The following SART3 variants were observed in gnomAD, a reference collection of about 807,000 sequenced individuals.
SART3 encodes HIV-1 Tat-interacting protein of 110kDa.
A neutral mutation model predicts 122.3 loss-of-function variants in SART3; 44 were observed. The observed-to-expected ratio is 0.36, with a 90% CI of 0.28 to 0.46. SART3 has a LOEUF of 0.46. Ranked by LOEUF, SART3 falls within the 20% of genes least tolerant of loss-of-function variation. The probability of loss-of-function intolerance (pLI) is 1.00; values close to 1 mark genes in which losing one functional copy is unlikely to be tolerated. For missense variants in SART3, 1,101 were observed against 1,229.0 expected, an observed-to-expected ratio of 0.90 and a Z score of 1.56; for synonymous variants, 442 against 454.0, an observed-to-expected ratio of 0.97 and a Z score of 0.34.
In SART3 at chr12:108,536,553, A is replaced by C. The variant is rs1409397908; in HGVS notation, c.1407T>G (p.Asp469Glu). The C allele has an allele frequency of 1.2e-6, 2 of 1,614,216 alleles. No individual in the cohort carries two copies. Among genetic ancestry groups the C allele is most frequent in the Non-Finnish European group, 1.7e-6 (2 of 1,180,024 alleles). Residue 469 changes from aspartate to glutamate, a missense_variant, in exon 11 of 19, where the codon GAT becomes GAG. Physicochemically the swap from Asp to Glu is conservative, Grantham distance 45 (BLOSUM62 2). Around this residue, in one of 2 missense-constraint regions of SART3, gnomAD observed 885 missense variants for 1,080.1 expected, o/e 0.82. Transcript: ENST00000546815. ...EVEERFNESG[D>E]PSCVIMQNWA... ...AGTTCTGCATAATCACGCAGCTTGG[A>C]TCACCACTCTCATTGAAACCTTCAA...
Position 108,523,388 on chromosome 12 carries a change from A to ACTGGGGATGGACAGGCCTGGTGTG in SART3, c.*68_*69insCACACCAGGCCTGTCCATCCCCAG. 6.6e-7 allele frequency: 1 copy of ACTGGGGATGGACAGGCCTGGTGTG among 1,516,766 alleles called. No individual in the cohort carries two copies. Among genetic ancestry groups the ACTGGGGATGGACAGGCCTGGTGTG allele is most frequent in the Non-Finnish European group, 9.1e-7 (1 of 1,093,074 alleles). The allele number at this position is 1,516,766 out of a possible 1,614,324, so 94.0% of individuals were successfully genotyped here. A position where few individuals can be genotyped will look rare whatever the true frequency, so the allele number is the denominator to read the frequency against. On this transcript the variant is annotated 3_prime_UTR_variant, in exon 19 of 19. Transcript: ENST00000546815. The stretch of plus-strand genomic sequence containing the variant: ...CACCAGGCCTGTCCATCCCCAGTGC[A>ACTGGGGATGGACAGGCCTGGTGTG]CTGCTGGGTGGTGGGAGGTCCGCCG...
Position 108,547,867 on chromosome 12 carries a change from A to C in SART3, c.544+20T>G. 1.3e-6 allele frequency: 2 copies of C among 1,593,634 alleles called. No individual in the cohort carries two copies. The highest frequency in any genetic ancestry group is 1.7e-6 in the Non-Finnish European group (2 of 1,162,452). On this transcript the variant is annotated intron_variant, in intron 3 of 18. Transcript: ENST00000546815. ...TATATGACATTGCCAGATATCCAAAAAAAGTCCACGGGAACTTACAAATGT... is the reference window on the plus strand; with the variant it reads ...TATATGACATTGCCAGATATCCAAACAAAGTCCACGGGAACTTACAAATGT...
chr12:108,536,699 C>T lies in SART3; in HGVS notation c.1387+9G>A. ...AACTGGGCAAAACCACAGGCTGGGGCATACTTACGCTCTTCCACCTCCTGC... is the reference window on the plus strand; with the variant it reads ...AACTGGGCAAAACCACAGGCTGGGGTATACTTACGCTCTTCCACCTCCTGC... On this transcript the variant is annotated intron_variant, in intron 10 of 18. Coordinates refer to ENST00000546815, the MANE Select transcript of SART3 (RefSeq NM_014706.4). 2 of 1,613,912 alleles carry T rather than the reference C, an allele frequency of 1.2e-6. No homozygotes were observed. The highest frequency in any genetic ancestry group is 1.1e-5 in the South Asian group (1 of 91,076).
chr12:108,534,230 A>G (rs1011433410), intron 12 of SART3, among the ~76,000 whole-genome samples: 1 of 152,326 alleles, frequency 6.6e-6, no homozygotes, highest in South Asian at 2.1e-4. Context: ...TAAATTATAA[A>G]TATCAATAGA....
intron 1 of SART3, among the ~76,000 whole-genome samples, chr12:108,552,245 G>C (rs965762298): frequency 6.6e-6 from 1 of 152,048 alleles, no homozygotes; most frequent in Non-Finnish European, 1.5e-5. Flanking sequence ...TTGGGATATA[G>C]GGTTACCTTA....
intron 1 of SART3, among the ~76,000 whole-genome samples, chr12:108,559,684 AAAAGAG>A (rs1455316549): frequency 1.3e-5 from 2 of 150,516 alleles, no homozygotes; most frequent in East Asian, 1.9e-4. Flanking sequence ...AAAAAAAAAA[AAAAGAG>A]AGAATGTGCT....
intron 13 of SART3, 144 bp downstream of exon 13, chr12:108,532,078 C>T: frequency 2.9e-6 from 2 of 696,244 alleles, no homozygotes; most frequent in Middle Eastern, 3.8e-4. Context: ...ATTTTCAGGA[C>T]ACTTGTGACA....
chr12:108,523,322 T>C lies in SART3; in HGVS notation c.*135A>G, dbSNP rs1872210186. On this transcript the variant is annotated 3_prime_UTR_variant, in exon 19 of 19. Coordinates refer to ENST00000546815, the MANE Select transcript of SART3 (RefSeq NM_014706.4). Reference sequence around the variant, plus strand: ...GACTTAGAACCCCTTCCCCTTTCTGTCTAAAGCCGAGGAGCCATCTGTGGT... The same window carrying C: ...GACTTAGAACCCCTTCCCCTTTCTGCCTAAAGCCGAGGAGCCATCTGTGGT... 1.1e-6 allele frequency: 1 copy of C among 923,778 alleles called. No homozygotes were observed. 57.2% of individuals were successfully genotyped at this position (923,778 alleles called of 1,614,324 possible).
intron 6 of SART3, among the ~76,000 whole-genome samples, chr12:108,539,383 A>G (rs991091455): frequency 5.9e-5 from 9 of 152,252 alleles, no homozygotes; most frequent in African/African-American, 2.2e-4. Flanking sequence ...TGAGTGAAAG[A>G]GCAACACCTT....
In SART3 at chr12:108,525,613, T is replaced by C. The variant is rs7963063; in HGVS notation, c.2371-4A>G. The C allele has an allele frequency of 0.37, 600,596 of 1,611,936 alleles. 119,164 individuals carry two copies. Among genetic ancestry groups the C allele is most frequent in the Non-Finnish European group, 0.41 (486,178 of 1,178,220 alleles). ...GGGAAGTGCTGTACCTGAACACCTA[T>C]AGGAAGAAGGAAGACAGAGAAAAAC... is the stretch of plus-strand genomic sequence containing the variant. On this transcript the variant is annotated splice_polypyrimidine_tract_variant and splice_region_variant and intron_variant, in intron 16 of 18. Transcript: ENST00000546815.
chr12:108,532,662 T>C, intron 12 of SART3: 1 of 338,228 alleles, frequency 3.0e-6, no homozygotes, highest in Non-Finnish European at 5.8e-6. Flanking sequence ...CTCTGTAACC[T>C]GATACAGTCC....
intron 1 of SART3, among the ~76,000 whole-genome samples, chr12:108,551,648 A>G (rs2030014443): frequency 6.6e-6 from 1 of 152,200 alleles, no homozygotes; most frequent in African/African-American, 2.4e-5. Flanking sequence ...CCAACAATAC[A>G]GAATATGTAT....
At position 108,528,414 on chromosome 12, in the gene SART3, C is replaced by G. The variant is rs192776983; in HGVS notation, c.1915+1728G>C. On this transcript the variant is annotated intron_variant, in intron 15 of 18. Coordinates refer to ENST00000546815, the MANE Select transcript of SART3 (RefSeq NM_014706.4). ...AAGAGAATCACTTGAACCCAGGAGG[C>G]GGAGGTTGCAGTGAGCCGAGATCAC... Among the ~76,000 whole-genome samples, 38 of 143,486 alleles carry G rather than the reference C, an allele frequency of 2.6e-4. No individual in the cohort carries two copies. In the Admixed American group the frequency reaches 2.8e-3, roughly 11 times the overall value. The allele number at this position is 143,486 out of a possible 152,430, so 94.1% of individuals were successfully genotyped here.
At chr12:108,541,592 G>A (rs921359294) in intron 6 of SART3, among the ~76,000 whole-genome samples, 1 of 151,962 alleles carries the variant, frequency 6.6e-6, no homozygotes, top group Non-Finnish European at 1.5e-5. Flanking sequence ...TGGATGGAGT[G>A]CAGTGGTGCG....
intron 1 of SART3, chr12:108,560,594 C>T (rs2030474038): frequency 6.4e-6 from 3 of 469,006 alleles, no homozygotes; most frequent in Non-Finnish European, 1.1e-5. Context: ...GCCTCAGTTT[C>T]CTCCAGTAAA....
In SART3 at chr12:108,526,329, T is replaced by C; in HGVS notation, c.2140A>G (p.Ser714Gly). Reference protein sequence around the residue: ...ITVFVSNLPYSMQEPDTKLRP... With the variant: ...ITVFVSNLPYGMQEPDTKLRP... ...AGCTTCGTGTCCGGCTCCTGCATGCTGTAGGGCAGGTTGCTGACAAAGACG... is the reference window on the plus strand; with the variant it reads ...AGCTTCGTGTCCGGCTCCTGCATGCCGTAGGGCAGGTTGCTGACAAAGACG... Residue 714 changes from serine (S) to glycine (G), a missense_variant, in exon 16 of 19, where the codon AGC becomes GGC. Coordinates refer to ENST00000546815, the MANE Select transcript of SART3 (RefSeq NM_014706.4). 1.9e-6 allele frequency: 3 copies of C among 1,614,142 alleles called. No individual in the cohort carries two copies. Among genetic ancestry groups the C allele is most frequent in the Non-Finnish European group, 2.5e-6 (3 of 1,179,970 alleles).
chr12:108,548,017 T>C, intron 2 of SART3, 26 bp from the exon 3 acceptor site: 3 of 1,589,622 alleles, frequency 1.9e-6, no homozygotes, highest in Non-Finnish European at 2.6e-6. Flanking sequence ...ACTTCCCGCA[T>C]TAATACCAAA....
chr12:108,530,218 CTTT>C lies in SART3; in HGVS notation c.1836_1838del (p.Lys616del). On this transcript the variant is annotated inframe_deletion, in exon 15 of 19. Transcript: ENST00000546815. ...TCTCTGGGCCTCTGATCTTTTTCTT[CTTT>C]TTTAACGCTTTCTTCTCAGCCCGAG... The C allele has an allele frequency of 6.2e-7, 1 of 1,614,162 alleles. No individual in the cohort carries two copies.
chr12:108,527,407 C>T (rs1872433576), intron 15 of SART3, among the ~76,000 whole-genome samples: 2 of 152,366 alleles, frequency 1.3e-5, no homozygotes, highest in African/African-American at 4.8e-5. Flanking sequence ...GCCACAGTCA[C>T]TCGGTCTTCC....
Sources: gnomAD v4.1 joint callset for allele counts (sites outside exome capture counted in the v4.1 genomes callset) on GRCh38, gnomAD v4.1.1 for gene constraint, gnomAD v4.1.1 regional missense constraint, MANE v1.5 for transcripts, NCBI Gene and HGNC (gene_info 2026-07-23, HGNC 2026-07-21) for gene names.